The following SYT1 variants were observed in gnomAD, a reference collection of about 807,000 sequenced individuals.
The protein encoded by SYT1 is synaptotagmin-1.
SYT1 carries 8 observed loss-of-function variants against 44.8 expected under a neutral mutation model. The ratio of observed to expected loss-of-function variants is 0.18; its 90% CI spans 0.10 to 0.32. SYT1 has a LOEUF of 0.32. Among genes scored for constraint, SYT1 ranks in the 10% least tolerant of loss-of-function variants. The pLI is 1.00. For missense variants in SYT1, 286 were observed against 509.3 expected (o/e 0.56, Z 4.22); for synonymous variants, 154 against 188.8 (o/e 0.82, Z 1.51).
intron 2 of SYT1, among the ~76,000 whole-genome samples, chr12:79,023,866 G>T (rs1872353159): frequency 6.6e-6 from 1 of 151,582 alleles, no homozygotes; most frequent in Non-Finnish European, 1.5e-5. Flanking sequence ...ATAGGTTAGA[G>T]ACATCATACC....
intron 9 of SYT1, among the ~76,000 whole-genome samples, chr12:79,367,676 G>C (rs117419333): frequency 1.1e-4 from 17 of 151,402 alleles, no homozygotes; most frequent in South Asian, 2.1e-4. Context: ...GCCCATCTTG[G>C]CATTTCAAAA....
At chr12:79,234,128 A>G (rs1039505514) in intron 4 of SYT1, among the ~76,000 whole-genome samples, 4 of 152,064 alleles carry the variant, frequency 2.6e-5, no homozygotes, top group African/African-American at 7.2e-5. Flanking sequence ...CCAATTGCCT[A>G]CAGGTGGGTA....
At chr12:79,334,620 T>C (rs771558368) in intron 8 of SYT1, among the ~76,000 whole-genome samples, 1 of 152,188 alleles carries the variant, frequency 6.6e-6, no homozygotes, top group Non-Finnish European at 1.5e-5. Flanking sequence ...ACGCATCCGC[T>C]CTCCTTGTTC....
In SYT1 at chr12:79,108,449, T is replaced by G. The variant is rs986010132; in HGVS notation, c.-18+61087T>G. 2.0e-5 allele frequency among the ~76,000 whole-genome samples: 3 copies of G among 152,118 alleles called. 1 individual carries two copies. Among genetic ancestry groups the G allele is most frequent in the Middle Eastern group, 3.4e-3 (1 of 294 alleles). On this transcript the variant is annotated intron_variant, in intron 3 of 10. Transcript: ENST00000261205. ...AAAATAAGAAATTAAAAATTCAATA[T>G]AACAAAAACATTTTAAAAATAGAGA...
intron 1 of SYT1, among the ~76,000 whole-genome samples, chr12:78,865,641 T>C (rs1161030453): frequency 6.6e-6 from 1 of 150,530 alleles, no homozygotes; most frequent in African/African-American, 2.4e-5. Flanking sequence ...TTAAACTGAA[T>C]AAGGGGAGTA....
intron 3 of SYT1, among the ~76,000 whole-genome samples, chr12:79,202,697 T>A (rs1490542977): frequency 6.6e-6 from 1 of 152,198 alleles, no homozygotes; most frequent in Non-Finnish European, 1.5e-5. Context: ...AAGGTGTACT[T>A]GTCCACTGCT....
chr12:79,350,246 C>CTTTTT (rs1166413638), intron 8 of SYT1, among the ~76,000 whole-genome samples: 136 of 97,514 alleles, frequency 1.4e-3, no homozygotes, highest in African/African-American at 3.0e-3. Flanking sequence ...GATGCATATT[C>CTTTTT]TTTTTTTTTT....
At chr12:79,118,108 A>G (rs1270609269) in intron 3 of SYT1, among the ~76,000 whole-genome samples, 1 of 151,644 alleles carries the variant, frequency 6.6e-6, no homozygotes, top group African/African-American at 2.4e-5. Context: ...AAATAATTTG[A>G]TCTTTTTAGA....
chr12:79,168,254 C>A (rs1871325314), intron 3 of SYT1, among the ~76,000 whole-genome samples: 1 of 152,052 alleles, frequency 6.6e-6, no homozygotes, highest in African/African-American at 2.4e-5. Flanking sequence ...CAGATTACCT[C>A]CCTAAGCCTC....
chr12:79,025,193 T>C lies in SYT1; in HGVS notation c.-83-22104T>C, dbSNP rs1181311657. On this transcript the variant is annotated intron_variant, in intron 2 of 10. Coordinates refer to ENST00000261205, the MANE Select transcript of SYT1 (RefSeq NM_005639.3). ...TTGACGTGATACATGTATTAAACAC[T>C]CAAGCCTGAATTCAGAGTAATTTTC... Among the ~76,000 whole-genome samples, 6 of 151,902 alleles carry C rather than the reference T, an allele frequency of 3.9e-5. No homozygotes were observed. The South Asian group carries it at 1.2e-3, about 31-fold the overall frequency.
chr12:79,217,480 T>G (rs779547322), intron 3 of SYT1, 23 bp from the exon 4 acceptor site: 1 of 1,537,286 alleles, frequency 6.5e-7, no homozygotes, highest in African/African-American at 1.4e-5. Flanking sequence ...AATTGTTCTG[T>G]CTTTGCTTCC....
intron 3 of SYT1, among the ~76,000 whole-genome samples, chr12:79,093,503 A>G (rs1033382700): frequency 1.3e-5 from 2 of 151,742 alleles, no homozygotes; most frequent in African/African-American, 4.8e-5. Flanking sequence ...TTTTTAAAAG[A>G]GAAGACCAAA....
intron 9 of SYT1, among the ~76,000 whole-genome samples, chr12:79,422,729 T>A (rs560490417): frequency 6.6e-6 from 1 of 152,064 alleles, no homozygotes; most frequent in South Asian, 2.1e-4. Context: ...TACATTTTAA[T>A]CCCTCTCTTT....
chr12:78,953,635 T>C (rs1328312098), intron 1 of SYT1, among the ~76,000 whole-genome samples: 2 of 152,112 alleles, frequency 1.3e-5, no homozygotes, highest in Non-Finnish European at 2.9e-5. Flanking sequence ...CACAATTTTT[T>C]GTAAAATTTG....
chr12:79,284,090 C>T (rs1465183492), intron 4 of SYT1, among the ~76,000 whole-genome samples: 1 of 134,856 alleles, frequency 7.4e-6, no homozygotes, highest in Non-Finnish European at 1.6e-5. Context: ...ATTTCAGTGC[C>T]CAGTATCTTT....
intron 6 of SYT1, among the ~76,000 whole-genome samples, chr12:79,294,352 C>T (rs996551415): frequency 2.0e-5 from 3 of 151,886 alleles, no homozygotes; most frequent in African/African-American, 7.3e-5. Flanking sequence ...TGGTTTTTCC[C>T]AAATGTTCTC....
chr12:78,962,616 T>C (rs923769021), intron 1 of SYT1, among the ~76,000 whole-genome samples: 1 of 152,096 alleles, frequency 6.6e-6, no homozygotes, highest in Admixed American at 6.6e-5. Flanking sequence ...CTGTGTGTAT[T>C]CTCATTCGTA....
At chr12:79,284,667 A>G (rs1457317771) in intron 4 of SYT1, among the ~76,000 whole-genome samples, 1 of 151,748 alleles carries the variant, frequency 6.6e-6, no homozygotes, top group Non-Finnish European at 1.5e-5. Context: ...GAAACCCCGT[A>G]TCTACTAAAA....
chr12:79,001,213 T>G (rs17046190), intron 2 of SYT1, among the ~76,000 whole-genome samples: 6,782 of 151,960 alleles, frequency 0.045, 189 homozygotes, highest in Middle Eastern at 0.078. Context: ...TGGACTAAAA[T>G]GATGATATTT....
Sources: allele counts gnomAD v4.1 joint callset (sites outside exome capture counted in the v4.1 genomes callset), GRCh38; gene constraint gnomAD v4.1.1; transcripts MANE v1.5; gene names NCBI Gene and HGNC (gene_info 2026-07-23, HGNC 2026-07-21).